The following DCDC1 variants were observed in gnomAD, a reference collection of about 807,000 sequenced individuals.
DCDC1 encodes doublecortin domain-containing protein 1.
Under a neutral mutation model 178.3 loss-of-function variants are expected in DCDC1, and 200 were observed. The ratio of observed to expected loss-of-function variants is 1.12; its 90% CI spans 1.00 to 1.26. DCDC1 has a LOEUF of 1.26. Among genes scored for constraint, DCDC1 ranks in the 50% most tolerant of loss-of-function variants. DCDC1 has a pLI of 0.00. For synonymous variants in DCDC1, 690 were observed against 604.8 expected, an observed-to-expected ratio of 1.14 and a Z score of -2.07; for missense variants, 1,983 against 1,749.2, an observed-to-expected ratio of 1.13 and a Z score of -2.38.
At chr11:30,990,508 TAA>T (rs78432751) in intron 20 of DCDC1, among the ~76,000 whole-genome samples, 2 of 152,020 alleles carry the variant, frequency 1.3e-5, no homozygotes, top group South Asian at 2.1e-4. Flanking sequence ...CCAAAAAATA[TAA>T]GAGACAAGAT....
At chr11:31,213,145 CT>C (rs1972943065) in intron 9 of DCDC1, among the ~76,000 whole-genome samples, 1 of 137,206 alleles carries the variant, frequency 7.3e-6, no homozygotes. Flanking sequence ...CTCTCTCTCT[CT>C]CTCTCTCTCT....
At chr11:31,301,648 G>T (rs1201783122) in intron 6 of DCDC1, among the ~76,000 whole-genome samples, 1 of 152,168 alleles carries the variant, frequency 6.6e-6, no homozygotes. Context: ...ACGCAGATAT[G>T]AGAAAAAGTG....
intron 9 of DCDC1, among the ~76,000 whole-genome samples, chr11:31,208,784 C>T (rs922935472): frequency 2.0e-5 from 3 of 152,274 alleles, no homozygotes; most frequent in African/African-American, 7.2e-5. Flanking sequence ...TGAGAAAGCT[C>T]TTCCCACAAT....
intron 8 of DCDC1, among the ~76,000 whole-genome samples, chr11:31,249,649 T>G (rs539019778): frequency 1.3e-5 from 2 of 152,256 alleles, no homozygotes; most frequent in South Asian, 4.1e-4. Context: ...CTGGCTGCCT[T>G]TGTGTATACC....
chr11:31,036,618 C>T (rs981119888), intron 20 of DCDC1, among the ~76,000 whole-genome samples: 1 of 152,148 alleles, frequency 6.6e-6, no homozygotes, highest in Non-Finnish European at 1.5e-5. Context: ...TCAATGTGCA[C>T]TTGTCCCTTG....
Position 30,909,032 on chromosome 11 carries a change from T to C in DCDC1, c.3832A>G (p.Thr1278Ala). ...GATGTAATTTCCTTATCCAAGGCAG[T>C]GCTATGAAAGGCCACAAGTGCTTTT... ...NIKALVAFHS[T>A]ALDKEITSAN... Residue 1278 changes from threonine (T) to alanine (A), a missense_variant, in exon 29 of 39, where the codon ACT becomes GCT. Thr to Ala is a moderately conservative substitution (Grantham distance 58). Transcript: ENST00000684477. 4 of 1,612,806 alleles carry C rather than the reference T, an allele frequency of 2.5e-6. No homozygotes were observed. The highest frequency in any genetic ancestry group is 3.4e-6 in the Non-Finnish European group (4 of 1,179,128).
chr11:31,111,721 AC>A (rs2135808232), intron 11 of DCDC1, among the ~76,000 whole-genome samples: 1 of 152,324 alleles, frequency 6.6e-6, no homozygotes, highest in African/African-American at 2.4e-5. Flanking sequence ...CTCTTAAGCA[AC>A]AGAGAAATTT....
At chr11:30,921,925 A>C (rs754349848) in intron 24 of DCDC1, among the ~76,000 whole-genome samples, 7 of 152,110 alleles carry the variant, frequency 4.6e-5, no homozygotes, top group Non-Finnish European at 7.4e-5. Flanking sequence ...GCTCTGTAGC[A>C]AGGACTGCAG....
chr11:31,295,762 A>T (rs1947641605), intron 6 of DCDC1, among the ~76,000 whole-genome samples: 1 of 152,144 alleles, frequency 6.6e-6, no homozygotes, highest in Admixed American at 6.5e-5. Context: ...TCTTGCACTA[A>T]AATCCTCATC....
intron 9 of DCDC1, among the ~76,000 whole-genome samples, chr11:31,179,481 T>G (rs1968498366): frequency 6.6e-6 from 1 of 152,182 alleles, no homozygotes; most frequent in Non-Finnish European, 1.5e-5. Context: ...AACAATGGAA[T>G]ATTATTCAAC....
At chr11:31,038,838 T>A (rs1954248821) in intron 20 of DCDC1, among the ~76,000 whole-genome samples, 1 of 151,422 alleles carries the variant, frequency 6.6e-6, no homozygotes, top group Admixed American at 6.6e-5. Context: ...CCTTTGGATG[T>A]ACCTAAGAAA....
rs373042916 is a variant in DCDC1 at position 31,007,032 on chromosome 11, T to C, written c.2592-54464A>G. On this transcript the variant is annotated intron_variant, in intron 20 of 38. Transcript: ENST00000684477. ...TTATTCTTCATTCTCATGCCTGCCA[T>C]GGTCAAATGTAGGCCTCAGATTCCT... Among the ~76,000 whole-genome samples, 43 of 152,322 alleles carry C rather than the reference T, an allele frequency of 2.8e-4. No homozygotes were observed. The East Asian group carries it at 3.9e-3, about 14-fold the overall frequency.
Position 31,317,707 on chromosome 11 carries a change from G to C in DCDC1, c.165-9799C>G, listed in dbSNP as rs1442513514. 4.6e-5 allele frequency among the ~76,000 whole-genome samples: 2 copies of C among 43,094 alleles called. 1 individual carries two copies. The highest frequency in any genetic ancestry group is 7.6e-5 in the Non-Finnish European group (2 of 26,206). 28.3% of individuals were successfully genotyped at this position (43,094 alleles called of 152,430 possible). On this transcript the variant is annotated intron_variant, in intron 3 of 38. Transcript: ENST00000684477. The stretch of plus-strand genomic sequence containing the variant: ...TCCAACACTATGTTGAATAGGAGCG[G>C]TGAGAGAGGGCATCTCTGTCTTGTG...
At chr11:31,335,770 C>T (rs889698543) in intron 1 of DCDC1, among the ~76,000 whole-genome samples, 4 of 152,186 alleles carry the variant, frequency 2.6e-5, no homozygotes, top group African/African-American at 9.7e-5. Flanking sequence ...CCCTGATCTA[C>T]AGGATCCTTT....
chr11:31,305,394 T>C (rs946266318), intron 6 of DCDC1, among the ~76,000 whole-genome samples: 1 of 152,130 alleles, frequency 6.6e-6, no homozygotes, highest in East Asian at 1.9e-4. Flanking sequence ...TCTATTCAGA[T>C]CTATATTAAA....
chr11:31,115,981 T>TTGGG (rs1555066669), intron 11 of DCDC1, among the ~76,000 whole-genome samples: 7 of 38,090 alleles, frequency 1.8e-4, no homozygotes, highest in African/African-American at 3.9e-4. Flanking sequence ...GCTGTGGCAG[T>TTGGG]GGGGGGGGGG....
chr11:30,973,273 CAA>C (rs35354864), intron 20 of DCDC1, among the ~76,000 whole-genome samples: 19 of 113,782 alleles, frequency 1.7e-4, no homozygotes, highest in African/African-American at 4.0e-4. Flanking sequence ...GACTCCATCT[CAA>C]AAAAAAAAAA....
intron 20 of DCDC1, among the ~76,000 whole-genome samples, chr11:31,015,123 A>G (rs1450630610): frequency 6.6e-6 from 1 of 151,384 alleles, no homozygotes; most frequent in Non-Finnish European, 1.5e-5. Context: ...ATTTTTTTGT[A>G]CTTTTAGTAG....
chr11:30,894,225 G>T (rs752752571), intron 35 of DCDC1, 23 bp downstream of exon 35: 2 of 1,600,624 alleles, frequency 1.2e-6, no homozygotes, highest in South Asian at 2.3e-5. Flanking sequence ...AGTCTTTAAT[G>T]TCCAGAATCC....
Sources: allele counts gnomAD v4.1 joint callset (sites outside exome capture counted in the v4.1 genomes callset), GRCh38; gene constraint gnomAD v4.1.1; transcripts MANE v1.5; gene names NCBI Gene and HGNC (gene_info 2026-07-23, HGNC 2026-07-21).